ANO5: variants seen among roughly 807,000 people sequenced by gnomAD.
ANO5 encodes anoctamin 5, also known as anoctamin-5.
ANO5 carries 109 observed loss-of-function variants against 121.0 expected under a neutral mutation model. The ratio of observed to expected loss-of-function variants is 0.90; its 90% CI spans 0.77 to 1.06. The LOEUF is 1.06. Ranked by LOEUF, ANO5 falls within the 50% of genes least tolerant of loss-of-function variation. The pLI, the probability that ANO5 is intolerant of heterozygous loss-of-function variation, is 0.00. For missense variants in ANO5, 1,064 were observed against 1,078.5 expected (o/e 0.99, Z 0.19); for synonymous variants, 406 against 359.9 (o/e 1.13, Z -1.45).
At position 22,255,422 on chromosome 11, in the gene ANO5, A is replaced by G; in HGVS notation, c.1232A>G (p.Glu411Gly). 1 of 1,612,942 alleles carries G rather than the reference A, an allele frequency of 6.2e-7. No homozygotes were observed. ...WKQRQARLEY[E>G]WDLVDFEEEQ... ...CAACGACAAGCCAGACTGGAATATGAATGGGACCTGGTGGACTTTGAAGAG... is the reference window on the plus strand; with the variant it reads ...CAACGACAAGCCAGACTGGAATATGGATGGGACCTGGTGGACTTTGAAGAG... The change falls in exon 13 of 22, where the codon GAA becomes GGA. Residue 411 changes from glutamate (E) to glycine (G), a missense_variant. By Grantham distance (98) the Glu-to-Gly change is moderately conservative. Transcript: ENST00000324559.
chr11:22,238,456 T>A (rs1009555938), intron 8 of ANO5, among the ~76,000 whole-genome samples: 1 of 152,160 alleles, frequency 6.6e-6, no homozygotes, highest in African/African-American at 2.4e-5. Flanking sequence ...TCGATGTCAC[T>A]GAGCTATCAC....
chr11:22,232,899 C>G (rs1042485271), intron 7 of ANO5, among the ~76,000 whole-genome samples: 1 of 151,936 alleles, frequency 6.6e-6, no homozygotes, highest in Non-Finnish European at 1.5e-5. Flanking sequence ...GTTCTGTAGT[C>G]CCTTAAAACA....
At position 22,280,027 on chromosome 11, in the gene ANO5, T is replaced by C. The variant is rs1460563992; in HGVS notation, c.*262T>C. 2 of 452,534 alleles carry C rather than the reference T, an allele frequency of 4.4e-6. No homozygotes were observed. The highest frequency in any genetic ancestry group is 7.9e-6 in the Non-Finnish European group (2 of 253,044). The allele number at this position is 452,534 out of a possible 1,614,324, so 28.0% of individuals were successfully genotyped here. On this transcript the variant is annotated 3_prime_UTR_variant, in exon 22 of 22. Coordinates refer to ENST00000324559, the MANE Select transcript of ANO5 (RefSeq NM_213599.3). ...TGTAAATGACTGTTGAAAGTGCAGG[T>C]AGAATCAGAATACTGGGAAATTATG...
chr11:22,235,392 G>A (rs1853181040), intron 7 of ANO5, among the ~76,000 whole-genome samples: 1 of 151,958 alleles, frequency 6.6e-6, no homozygotes, highest in African/African-American at 2.4e-5. Context: ...GATGGAATAT[G>A]GAGCTGCTCT....
intron 18 of ANO5, 104 bp downstream of exon 18, chr11:22,270,546 T>A: frequency 6.5e-7 from 1 of 1,531,342 alleles, no homozygotes; most frequent in South Asian, 1.1e-5. Context: ...GTTCAATAAA[T>A]CTTTGACTGG....
At chr11:22,233,027 A>G (rs989780088) in intron 7 of ANO5, among the ~76,000 whole-genome samples, 14 of 152,084 alleles carry the variant, frequency 9.2e-5, no homozygotes, top group African/African-American at 3.4e-4. Flanking sequence ...TTGACTTGAC[A>G]GTACCATTTG....
rs570551963 is a variant in ANO5 at position 22,229,997 on chromosome 11, G to A, written c.648+2411G>A. Among the ~76,000 whole-genome samples, 4 of 151,964 alleles carry A rather than the reference G, an allele frequency of 2.6e-5. No homozygotes were observed. The East Asian group carries it at 7.7e-4, about 29-fold the overall frequency. On this transcript the variant is annotated intron_variant, in intron 7 of 21. Transcript: ENST00000324559. Reference sequence around the variant, plus strand: ...TTCAAAGCATTTCACAACAATCATGGCATCTGAGCTTCACAATATATAGTA... The same window carrying A: ...TTCAAAGCATTTCACAACAATCATGACATCTGAGCTTCACAATATATAGTA...
intron 3 of ANO5, 57 bp downstream of exon 3, chr11:22,211,371 G>A (rs1394799987): frequency 2.6e-6 from 4 of 1,534,464 alleles, no homozygotes; most frequent in Non-Finnish European, 3.6e-6. Flanking sequence ...GCATCTTTTT[G>A]TAGTCTGCAA....
intron 17 of ANO5, among the ~76,000 whole-genome samples, chr11:22,268,263 T>TAAAC (rs1006635135): frequency 1.4e-5 from 2 of 147,562 alleles, no homozygotes; most frequent in African/African-American, 5.4e-5. Context: ...TGTTTCAATA[T>TAAAC]AAACAGTTGA....
chr11:22,205,823 G>A (rs545656879), intron 2 of ANO5, among the ~76,000 whole-genome samples: 52 of 152,078 alleles, frequency 3.4e-4, no homozygotes, highest in East Asian at 9.7e-4. Flanking sequence ...GATAATAAAG[G>A]AATACTACTA....
chr11:22,217,472 C>T (rs1590231600), intron 3 of ANO5, among the ~76,000 whole-genome samples: 1 of 151,622 alleles, frequency 6.6e-6, no homozygotes, highest in South Asian at 2.1e-4. Context: ...CCATACTACA[C>T]ATCATATCAG....
intron 7 of ANO5, among the ~76,000 whole-genome samples, chr11:22,235,164 A>T (rs147887731): frequency 2.9e-4 from 44 of 151,898 alleles, no homozygotes; most frequent in Non-Finnish European, 5.2e-4. Context: ...GTTTTTTTTT[A>T]AATTTTAGAA....
intron 1 of ANO5, among the ~76,000 whole-genome samples, chr11:22,196,319 C>T (rs1851809346): frequency 6.6e-6 from 1 of 152,068 alleles, no homozygotes; most frequent in Non-Finnish European, 1.5e-5. Flanking sequence ...TCTAATGTAA[C>T]TGTTGCACTC....
chr11:22,267,920 T>C (rs1854432368), intron 17 of ANO5, among the ~76,000 whole-genome samples: 2 of 152,210 alleles, frequency 1.3e-5, no homozygotes. Context: ...TCCATCCATG[T>C]TCCTGCAAAG....
chr11:22,250,919 T>A (rs775934221), intron 11 of ANO5, 32 bp from the exon 12 acceptor site: 1 of 1,608,758 alleles, frequency 6.2e-7, no homozygotes. Context: ...TACTAAATTA[T>A]CTTTGTGATA....
intron 1 of ANO5, among the ~76,000 whole-genome samples, chr11:22,202,061 G>A (rs1465736603): frequency 1.3e-5 from 2 of 151,702 alleles, no homozygotes; most frequent in African/African-American, 4.9e-5. Context: ...GTTGGTTTTA[G>A]TTAATTTTAA....
At chr11:22,258,860 G>T (rs563582646) in intron 14 of ANO5, among the ~76,000 whole-genome samples, 5 of 152,114 alleles carry the variant, frequency 3.3e-5, no homozygotes, top group African/African-American at 7.2e-5. Flanking sequence ...AAGGCTGGGC[G>T]CAGTGGCTCA....
At chr11:22,210,310 T>A (rs2133548090) in intron 2 of ANO5, among the ~76,000 whole-genome samples, 1 of 152,096 alleles carries the variant, frequency 6.6e-6, no homozygotes. Flanking sequence ...CACAGAGAAA[T>A]TACTGCTTTT....
chr11:22,203,482 T>C (rs1022281533), intron 1 of ANO5, among the ~76,000 whole-genome samples: 3 of 152,090 alleles, frequency 2.0e-5, no homozygotes, highest in Non-Finnish European at 4.4e-5. Flanking sequence ...GGACACCCTA[T>C]TGGGTATTTA....
Sources: gnomAD v4.1 joint callset for allele counts (sites outside exome capture counted in the v4.1 genomes callset) on GRCh38, gnomAD v4.1.1 for gene constraint, MANE v1.5 for transcripts, NCBI Gene and HGNC (gene_info 2026-07-23, HGNC 2026-07-21) for gene names.